Variants in IFNG-AS1 observed in about 807,000 individuals in gnomAD.
IFNG-AS1 encodes the protein IFNG antisense RNA 1 (non-protein coding).
rs545401521 is a variant in IFNG-AS1, at chr12:68,006,297, A to T, written n.241+151A>T. The stretch of plus-strand genomic sequence containing the variant: ...AATTTACAAGATAATTTTCAAAAAA[A>T]TTCCGAATTTATTTATGCTATCAAC... On this transcript the variant is annotated intron_variant and non_coding_transcript_variant, in intron 3 of 5. Transcript: ENST00000536914. Among the ~76,000 whole-genome samples the T allele has an allele frequency of 5.3e-4, 80 of 152,378 alleles. 1 individual carries two copies. The South Asian group carries it at 0.016, about 30-fold the overall frequency.
chr12:68,010,254 T>A (rs894752501), intron 3 of IFNG-AS1, among the ~76,000 whole-genome samples: 8 of 152,232 alleles, frequency 5.3e-5, no homozygotes, highest in Non-Finnish European at 1.2e-4. Flanking sequence ...AAGTTATCTA[T>A]TTGAAGTAGA....
intron 2 of IFNG-AS1, among the ~76,000 whole-genome samples, chr12:68,005,344 AC>A (rs770812476): frequency 6.6e-6 from 1 of 152,194 alleles, no homozygotes; most frequent in Non-Finnish European, 1.5e-5. Context: ...CTGTCTGCTG[AC>A]TTAGCCACGA....
chr12:68,005,372 G>A lies in IFNG-AS1; in HGVS notation n.185-718G>A, dbSNP rs74561661. 3.8e-3 allele frequency among the ~76,000 whole-genome samples: 572 copies of A among 152,186 alleles called. 3 individuals are homozygous for A. Among genetic ancestry groups the A allele is most frequent in the African/African-American group, 0.013 (552 of 41,514 alleles). Reference sequence around the variant, plus strand: ...TAGCCACGATACAGCATGTAGAAATGCGCACACACATGCATGCACACGTGC... The same window carrying A: ...TAGCCACGATACAGCATGTAGAAATACGCACACACATGCATGCACACGTGC... On this transcript the variant is annotated intron_variant and non_coding_transcript_variant, in intron 2 of 5. Transcript: ENST00000536914.
chr12:68,017,362 C>T (rs1444659204), intron 3 of IFNG-AS1, among the ~76,000 whole-genome samples: 1 of 152,088 alleles, frequency 6.6e-6, no homozygotes, highest in African/African-American at 2.4e-5. Context: ...AGTATGATCC[C>T]ATCACTGTAG....
intron 3 of IFNG-AS1, among the ~76,000 whole-genome samples, chr12:68,012,200 A>G (rs1199829075): frequency 6.6e-6 from 1 of 152,086 alleles, no homozygotes; most frequent in Non-Finnish European, 1.5e-5. Flanking sequence ...TTTACTCTTC[A>G]TGCCAAGTTG....
intron 3 of IFNG-AS1, among the ~76,000 whole-genome samples, chr12:68,017,352 A>T (rs1236822583): frequency 6.6e-6 from 1 of 152,180 alleles, no homozygotes; most frequent in Non-Finnish European, 1.5e-5. Context: ...TTTGGGCTGG[A>T]GTATGATCCC....
At chr12:68,000,178 T>C (rs770682278) in intron 2 of IFNG-AS1, among the ~76,000 whole-genome samples, 28 of 152,134 alleles carry the variant, frequency 1.8e-4, no homozygotes, top group Non-Finnish European at 1.3e-4. Context: ...TGGGAGAAGT[T>C]TGGTAAAAGG....
intron 2 of IFNG-AS1, among the ~76,000 whole-genome samples, chr12:68,002,231 C>T (rs1295134448): frequency 2.0e-5 from 3 of 152,190 alleles, no homozygotes; most frequent in Non-Finnish European, 4.4e-5. Context: ...TCCTCCTAAA[C>T]CGGCAAATGC....
At chr12:68,008,760 T>C (rs762948814) in intron 3 of IFNG-AS1, among the ~76,000 whole-genome samples, 21 of 152,152 alleles carry the variant, frequency 1.4e-4, no homozygotes, top group Non-Finnish European at 2.4e-4. Context: ...CTATGGGAAC[T>C]TGTAATGGAC....
In IFNG-AS1 at chr12:67,994,631, C is replaced by T. The variant is rs151173061; in HGVS notation, n.52-1310C>T. 3.6e-3 allele frequency among the ~76,000 whole-genome samples: 550 copies of T among 152,178 alleles called. 2 individuals are homozygous for T. Among genetic ancestry groups the T allele is most frequent in the African/African-American group, 0.012 (514 of 41,518 alleles). Reference sequence around the variant, plus strand: ...TGAAATGGACACACAACATGTCTGCCGCTATTCTAAACATTGTAAGGCTGA... The same window carrying T: ...TGAAATGGACACACAACATGTCTGCTGCTATTCTAAACATTGTAAGGCTGA... On this transcript the variant is annotated intron_variant and non_coding_transcript_variant, in intron 1 of 5. Transcript: ENST00000536914.
intron 2 of IFNG-AS1, among the ~76,000 whole-genome samples, chr12:68,005,677 C>G (rs888537409): frequency 1.3e-5 from 2 of 152,034 alleles, no homozygotes; most frequent in African/African-American, 4.8e-5. Context: ...TGACCCTTGC[C>G]CTTATACTTG....
intron 2 of IFNG-AS1, among the ~76,000 whole-genome samples, chr12:68,003,731 G>A (rs1185681104): frequency 3.9e-5 from 6 of 151,940 alleles, no homozygotes; most frequent in Admixed American, 6.6e-5. Context: ...TGGCTAACAC[G>A]GCAAAACCCC....
chr12:68,004,035 C>G (rs1879849499), intron 2 of IFNG-AS1, among the ~76,000 whole-genome samples: 1 of 151,764 alleles, frequency 6.6e-6, no homozygotes, highest in Non-Finnish European at 1.5e-5. Context: ...GGATAAAGCC[C>G]TGCCCTAGGG....
chr12:67,990,943 C>T (rs1435604701), intron 1 of IFNG-AS1, among the ~76,000 whole-genome samples: 1 of 152,156 alleles, frequency 6.6e-6, no homozygotes, highest in Non-Finnish European at 1.5e-5. Context: ...TATTTATCTT[C>T]CACCTGCCCT....
In IFNG-AS1 at chr12:68,010,376, G is replaced by T. The variant is rs114417213; in HGVS notation, n.241+4230G>T. Reference sequence around the variant, plus strand: ...ATCCATGGTTTTCTGGTCTTCAGACGCCAGTTTGCGGAGTACATCCCTAGT... The same window carrying T: ...ATCCATGGTTTTCTGGTCTTCAGACTCCAGTTTGCGGAGTACATCCCTAGT... On this transcript the variant is annotated intron_variant and non_coding_transcript_variant, in intron 3 of 5. Transcript: ENST00000536914. 5.3e-3 allele frequency among the ~76,000 whole-genome samples: 802 copies of T among 152,240 alleles called. 11 individuals carry two copies. The highest frequency in any genetic ancestry group is 0.018 in the African/African-American group (759 of 41,524).
chr12:68,013,811 G>A (rs1438787137), intron 3 of IFNG-AS1, among the ~76,000 whole-genome samples: 1 of 152,124 alleles, frequency 6.6e-6, no homozygotes. Flanking sequence ...TTTCCCATAG[G>A]ATATTGGGGT....
chr12:68,015,690 A>G (rs1880135602), intron 3 of IFNG-AS1, among the ~76,000 whole-genome samples: 2 of 152,200 alleles, frequency 1.3e-5, no homozygotes, highest in African/African-American at 4.8e-5. Flanking sequence ...ATAAAAGGAC[A>G]TATAGTAAAG....
chr12:67,991,963 T>C (rs981505029), intron 1 of IFNG-AS1, among the ~76,000 whole-genome samples: 4 of 152,240 alleles, frequency 2.6e-5, no homozygotes, highest in African/African-American at 9.6e-5. Context: ...TATTTTCTCA[T>C]AGTTATTTCA....
intron 3 of IFNG-AS1, chr12:68,013,791 T>A (rs139841447): frequency 6.6e-6 from 1 of 152,304 alleles, no homozygotes; most frequent in East Asian, 1.9e-4. Context: ...TGCCAGCACA[T>A]GGCTTTCTTT....
Sources: allele counts gnomAD v4.1 joint callset (sites outside exome capture counted in the v4.1 genomes callset), GRCh38; gene constraint gnomAD v4.1.1; transcripts MANE v1.5; gene names NCBI Gene and HGNC (gene_info 2026-07-23, HGNC 2026-07-21).